Variants in STON1 observed in about 807,000 individuals in gnomAD.
The protein encoded by STON1 is stonin-1.
In STON1, 79 loss-of-function variants were observed where a neutral mutation model predicts 60.9. That is an observed-to-expected ratio of 1.30 (90% CI 1.08 to 1.56). The LOEUF is 1.56. Ranked by LOEUF, STON1 falls within the 40% of genes most tolerant of loss-of-function variation. STON1 has a pLI of 0.00. For synonymous variants in STON1, 363 were observed against 306.9 expected, an observed-to-expected ratio of 1.18 and a Z score of -1.91; for missense variants, 1,166 against 858.9, an observed-to-expected ratio of 1.36 and a Z score of -4.47.
intron 2 of STON1, among the ~76,000 whole-genome samples, chr2:48,588,486 G>C (rs1674335547): frequency 6.6e-6 from 1 of 152,054 alleles, no homozygotes; most frequent in Non-Finnish European, 1.5e-5. Flanking sequence ...AAGTAGCTGG[G>C]ACCACAGCAC....
Position 48,543,529 on chromosome 2 carries a change from CTTTT to C in STON1, c.-48+13330_-48+13333del, listed in dbSNP as rs869048449. ...CTCTTTATTTCATTTTTAAAGATAA[CTTTT>C]TTTTTTTTTTTTTTTTGAGCTGGAG... is the stretch of plus-strand genomic sequence containing the variant. On this transcript the variant is annotated intron_variant, in intron 1 of 3. Coordinates refer to ENST00000404752, the MANE Select transcript of STON1 (RefSeq NM_006873.4). 3.6e-3 allele frequency among the ~76,000 whole-genome samples: 461 copies of C among 128,190 alleles called. 2 individuals carry two copies. The highest frequency in any genetic ancestry group is 0.013 in the African/African-American group (425 of 33,624). 84.1% of individuals were successfully genotyped at this position (128,190 alleles called of 152,430 possible). A position where few individuals can be genotyped will look rare whatever the true frequency, so the allele number is the denominator to read the frequency against.
At chr2:48,564,509 T>TCTCCTTCTCCTTCTCCTTCTC (rs1672809447) in intron 1 of STON1, among the ~76,000 whole-genome samples, 1 of 29,634 alleles carries the variant, frequency 3.4e-5, no homozygotes. Context: ...TTCTTCTTCT[T>TCTCCTTCTCCTTCTCCTTCTC]CTTCTTCTTC....
intron 1 of STON1, among the ~76,000 whole-genome samples, chr2:48,566,229 G>A (rs1033952125): frequency 1.3e-5 from 2 of 152,166 alleles, no homozygotes; most frequent in African/African-American, 4.8e-5. Flanking sequence ...AGGCTGGAGT[G>A]CAGTGGCACC....
At chr2:48,558,530 G>A (rs1389071386) in intron 1 of STON1, among the ~76,000 whole-genome samples, 6 of 152,188 alleles carry the variant, frequency 3.9e-5, no homozygotes, top group African/African-American at 1.4e-4. Context: ...CCCAGTTTAG[G>A]CAGCCAGAGA....
At chr2:48,548,064 G>C (rs1314018738) in intron 1 of STON1, among the ~76,000 whole-genome samples, 1 of 152,200 alleles carries the variant, frequency 6.6e-6, no homozygotes, top group Non-Finnish European at 1.5e-5. Context: ...CTGGTGACCA[G>C]CCTTTGGTAA....
intron 1 of STON1, among the ~76,000 whole-genome samples, chr2:48,576,925 G>A (rs1016877941): frequency 4.6e-5 from 7 of 151,176 alleles, no homozygotes; most frequent in Non-Finnish European, 8.8e-5. Context: ...GCGGTGGCGG[G>A]CGCCTGTAGT....
intron 1 of STON1, among the ~76,000 whole-genome samples, chr2:48,563,767 C>G (rs1206891013): frequency 6.6e-6 from 1 of 151,818 alleles, no homozygotes; most frequent in Non-Finnish European, 1.5e-5. Context: ...GATTTCGGCT[C>G]AATGCAGCGT....
At chr2:48,577,523 G>A (rs549962077) in intron 1 of STON1, among the ~76,000 whole-genome samples, 1 of 151,374 alleles carries the variant, frequency 6.6e-6, no homozygotes, top group Non-Finnish European at 1.5e-5. Flanking sequence ...GGATGTTGCA[G>A]TGAGTTGAGA....
intron 1 of STON1, among the ~76,000 whole-genome samples, chr2:48,549,051 G>C (rs564585837): frequency 6.6e-6 from 1 of 152,260 alleles, no homozygotes; most frequent in Admixed American, 6.5e-5. Context: ...CACCGCCTCT[G>C]TCTTGGAGAT....
At position 48,582,491 on chromosome 2, in the gene STON1, G is replaced by T; in HGVS notation, c.1858G>T (p.Gly620Trp). Reference sequence around the variant, plus strand: ...TGAACCTGTCATTCAAGTCACTGTGGGGTCAGCAAAATATGAGAGTGCCTA... The same window carrying T: ...TGAACCTGTCATTCAAGTCACTGTGTGGTCAGCAAAATATGAGAGTGCCTA... ...ESEPVIQVTV[G>W]SAKYESAYQA... Residue 620 changes from glycine (G) to tryptophan (W), a missense_variant, in exon 2 of 4, where the codon GGG (glycine) becomes TGG (tryptophan). Physicochemically the swap from Gly to Trp is radical, Grantham distance 184 (BLOSUM62 -2). Transcript: ENST00000404752. The T allele has an allele frequency of 6.2e-7, 1 of 1,614,144 alleles. No individual in the cohort carries two copies. The highest frequency in any genetic ancestry group is 1.1e-5 in the South Asian group (1 of 91,074).
In STON1 at chr2:48,582,039, C is replaced by T. The variant is rs771061027; in HGVS notation, c.1406C>T (p.Ser469Phe). ...NDLELPKRDESYYEKDSEKKG... is the reference protein window; with the variant it reads ...NDLELPKRDEFYYEKDSEKKG... ...CTTGAGTTGCCGAAGCGAGATGAAT[C>T]CTATTATGAGAAGGACTCAGAAAAA... The change falls in exon 2 of 4, where the codon TCC becomes TTC. Residue 469 changes from serine to phenylalanine, a missense_variant. Ser to Phe is a radical substitution (Grantham distance 155). Coordinates refer to ENST00000404752, the MANE Select transcript of STON1 (RefSeq NM_006873.4). The T allele has an allele frequency of 5.6e-6, 9 of 1,614,072 alleles. No individual in the cohort carries two copies. In the East Asian group the frequency reaches 1.6e-4, roughly 28 times the overall value.
intron 1 of STON1, among the ~76,000 whole-genome samples, chr2:48,555,186 TTCTATTCCACAAA>T (rs1672272330): frequency 9.8e-6 from 1 of 101,978 alleles, no homozygotes; most frequent in East Asian, 3.2e-4. Flanking sequence ...TTTCCCGCCT[TTCTATTCCACAAA>T]GCCGCCATTG....
intron 1 of STON1, among the ~76,000 whole-genome samples, chr2:48,566,158 A>G (rs1672932234): frequency 6.6e-6 from 1 of 152,174 alleles, no homozygotes. Flanking sequence ...TTCCATTTGT[A>G]CAGAGGTGAC....
chr2:48,558,657 CTCAAA>C (rs900603281), intron 1 of STON1, among the ~76,000 whole-genome samples: 14 of 149,360 alleles, frequency 9.4e-5, no homozygotes, highest in African/African-American at 3.3e-4. Flanking sequence ...TGGCACATAA[CTCAAA>C]TCAACAGAAA....
At chr2:48,585,910 TG>T (rs551355348) in intron 2 of STON1, among the ~76,000 whole-genome samples, 85 of 152,374 alleles carry the variant, frequency 5.6e-4, no homozygotes, top group African/African-American at 2.0e-3. Flanking sequence ...TGCATAGACT[TG>T]AAGTGGTAAT....
intron 1 of STON1, among the ~76,000 whole-genome samples, chr2:48,534,106 G>A (rs1671332309): frequency 1.3e-5 from 2 of 152,170 alleles, no homozygotes; most frequent in South Asian, 4.1e-4. Context: ...AAAATGGAAA[G>A]CACTATAATT....
chr2:48,578,581 C>CTTTTT (rs59933765), intron 1 of STON1, among the ~76,000 whole-genome samples: 12 of 46,168 alleles, frequency 2.6e-4, no homozygotes, highest in Non-Finnish European at 3.5e-4. Context: ...CTCCTCCTTC[C>CTTTTT]TTTTTTTTTT....
At chr2:48,583,665 A>G (rs1572636654) in intron 2 of STON1, among the ~76,000 whole-genome samples, 2 of 144,194 alleles carry the variant, frequency 1.4e-5, no homozygotes, top group African/African-American at 2.6e-5. Context: ...TGGTCTCTGG[A>G]GTTAAATTGG....
At chr2:48,590,396 A>ATCCTTTAAAC (rs1437724171) in intron 2 of STON1, among the ~76,000 whole-genome samples, 6 of 152,298 alleles carry the variant, frequency 3.9e-5, no homozygotes, top group Middle Eastern at 3.4e-3. Context: ...ATTAAGTGAA[A>ATCCTTTAAAC]TCCTTTAAAC....
Sources: gnomAD v4.1 joint callset for allele counts (sites outside exome capture counted in the v4.1 genomes callset) on GRCh38, gnomAD v4.1.1 for gene constraint, MANE v1.5 for transcripts, NCBI Gene and HGNC (gene_info 2026-07-23, HGNC 2026-07-21) for gene names.